The following GPC6 variants were observed in gnomAD, a reference collection of about 807,000 sequenced individuals.
The protein encoded by GPC6 is glypican-6.
Under a neutral mutation model 55.2 loss-of-function variants are expected in GPC6, and 14 were observed. The ratio of observed to expected loss-of-function variants is 0.25; its 90% CI spans 0.17 to 0.40. The LOEUF is 0.40. Among genes scored for constraint, GPC6 ranks in the 10% least tolerant of loss-of-function variants. The pLI is 1.00. For synonymous variants in GPC6, 278 were observed against 259.6 expected (o/e 1.07, Z -0.68); for missense variants, 641 against 708.5 (o/e 0.90, Z 1.08).
At chr13:94,094,914 A>G (rs1178742827) in intron 4 of GPC6, among the ~76,000 whole-genome samples, 2 of 152,108 alleles carry the variant, frequency 1.3e-5, no homozygotes, top group Non-Finnish European at 2.9e-5. Flanking sequence ...TAAACAATAA[A>G]TATGTTTTTA....
In GPC6 at chr13:93,710,155, A is replaced by G. The variant is rs146297036; in HGVS notation, c.320-119999A>G. 8.5e-4 allele frequency among the ~76,000 whole-genome samples: 129 copies of G among 151,948 alleles called. 1 individual carries two copies. In the East Asian group the frequency reaches 0.024, roughly 29 times the overall value. ...TTGAAGGGCTTCTTTTCTTGAATGCATATTTTGAATTACATGAACATAATT... is the reference window on the plus strand; with the variant it reads ...TTGAAGGGCTTCTTTTCTTGAATGCGTATTTTGAATTACATGAACATAATT... On this transcript the variant is annotated intron_variant, in intron 2 of 8. Transcript: ENST00000377047.
chr13:94,374,997 T>A (rs1879771369), intron 6 of GPC6, among the ~76,000 whole-genome samples: 1 of 147,446 alleles, frequency 6.8e-6, no homozygotes, highest in African/African-American at 2.6e-5. Context: ...GAAATAAAGA[T>A]GTTCTTTGAA....
At chr13:94,050,111 C>T (rs1305858135) in intron 4 of GPC6, among the ~76,000 whole-genome samples, 5 of 152,048 alleles carry the variant, frequency 3.3e-5, no homozygotes, top group African/African-American at 4.8e-5. Flanking sequence ...AACCCAGTCT[C>T]GGGTAGGTCT....
rs1881229935 is a variant in GPC6 at position 94,403,268 on chromosome 13, A to G, written c.*51A>G. On this transcript the variant is annotated 3_prime_UTR_variant, in exon 9 of 9. Coordinates refer to ENST00000377047, the MANE Select transcript of GPC6 (RefSeq NM_005708.5). ...TGCATTTTAGCTATCTGAATGGCCA[A>G]CTCACTTCTTTTCTTACACTCTTGG... is the stretch of plus-strand genomic sequence containing the variant. The G allele has an allele frequency of 1.6e-6, 2 of 1,264,620 alleles. No individual in the cohort carries two copies. The highest frequency in any genetic ancestry group is 2.4e-5 in the South Asian group (2 of 82,610). 78.3% of individuals were successfully genotyped at this position (1,264,620 alleles called of 1,614,324 possible). A position where few individuals can be genotyped will look rare whatever the true frequency, so the allele number is the denominator to read the frequency against.
chr13:94,141,655 A>G (rs1017147565), intron 4 of GPC6, among the ~76,000 whole-genome samples: 4 of 152,210 alleles, frequency 2.6e-5, no homozygotes, highest in African/African-American at 9.6e-5. Context: ...TAAGTTTACA[A>G]ATATCTAGTT....
intron 2 of GPC6, among the ~76,000 whole-genome samples, chr13:93,623,221 T>C (rs144750055): frequency 1.9e-4 from 29 of 152,188 alleles, no homozygotes; most frequent in African/African-American, 6.3e-4. Flanking sequence ...AAAAAAAAAA[T>C]AATAAAAAGC....
rs115546473 is a variant in GPC6 at position 93,676,633 on chromosome 13, A to G, written c.319+131212A>G. Reference sequence around the variant, plus strand: ...GATAAACTTCATAAACTGACACTCAATGTTGTCAGATCTCCCAAAATTTAA... The same window carrying G: ...GATAAACTTCATAAACTGACACTCAGTGTTGTCAGATCTCCCAAAATTTAA... On this transcript the variant is annotated intron_variant, in intron 2 of 8. Transcript: ENST00000377047. Among the ~76,000 whole-genome samples the G allele has an allele frequency of 1.8e-3, 270 of 152,204 alleles. 2 individuals carry two copies. The highest frequency in any genetic ancestry group is 6.1e-3 in the African/African-American group (254 of 41,520).
chr13:94,090,493 T>C (rs927380179), intron 4 of GPC6, among the ~76,000 whole-genome samples: 2 of 152,148 alleles, frequency 1.3e-5, no homozygotes, highest in Admixed American at 6.6e-5. Flanking sequence ...TAGCTCATCA[T>C]GAAAAAGGTC....
At chr13:93,963,590 T>C (rs1388327408) in intron 3 of GPC6, among the ~76,000 whole-genome samples, 1 of 152,218 alleles carries the variant, frequency 6.6e-6, no homozygotes, top group Non-Finnish European at 1.5e-5. Context: ...TGCTTTGATT[T>C]TAATCAGTGG....
chr13:93,320,232 G>T (rs1296080677), intron 1 of GPC6, among the ~76,000 whole-genome samples: 1 of 152,036 alleles, frequency 6.6e-6, no homozygotes, highest in African/African-American at 2.4e-5. Flanking sequence ...TTTAAAAAGT[G>T]AAATTTTATA....
chr13:93,609,838 A>G (rs572179657), intron 2 of GPC6, among the ~76,000 whole-genome samples: 1 of 152,136 alleles, frequency 6.6e-6, no homozygotes, highest in East Asian at 1.9e-4. Flanking sequence ...GGAACACCTC[A>G]AGCTGGTTGT....
chr13:93,348,118 G>A (rs1460033625), intron 1 of GPC6, among the ~76,000 whole-genome samples: 1 of 152,070 alleles, frequency 6.6e-6, no homozygotes, highest in Non-Finnish European at 1.5e-5. Flanking sequence ...TCTTGTGAAG[G>A]ATACAAAAAA....
Position 94,197,605 on chromosome 13 carries a change from T to G in GPC6, c.878-88744T>G, listed in dbSNP as rs149398647. On this transcript the variant is annotated intron_variant, in intron 4 of 8. Coordinates refer to ENST00000377047, the MANE Select transcript of GPC6 (RefSeq NM_005708.5). Reference sequence around the variant, plus strand: ...CTATTGAATTAGGAACCCACCCTTATGATCTCATATAACTTTAATTGCCTC... The same window carrying G: ...CTATTGAATTAGGAACCCACCCTTAGGATCTCATATAACTTTAATTGCCTC... Among the ~76,000 whole-genome samples, 466 of 152,312 alleles carry G rather than the reference T, an allele frequency of 3.1e-3. 2 individuals are homozygous for G. Among genetic ancestry groups the G allele is most frequent in the African/African-American group, 0.01 (436 of 41,576 alleles).
chr13:94,282,147 C>G (rs1284438152), intron 4 of GPC6, among the ~76,000 whole-genome samples: 1 of 152,172 alleles, frequency 6.6e-6, no homozygotes, highest in African/African-American at 2.4e-5. Flanking sequence ...AATCATGGTA[C>G]TGTGTGCATT....
At chr13:93,915,441 C>G (rs1033129243) in intron 3 of GPC6, among the ~76,000 whole-genome samples, 1 of 152,182 alleles carries the variant, frequency 6.6e-6, no homozygotes, top group Non-Finnish European at 1.5e-5. Flanking sequence ...TGCCAGCCCC[C>G]CTGTGCCATT....
At chr13:93,462,016 A>T (rs753225093) in intron 1 of GPC6, among the ~76,000 whole-genome samples, 4 of 152,184 alleles carry the variant, frequency 2.6e-5, no homozygotes, top group African/African-American at 7.2e-5. Context: ...AAGCCATGCC[A>T]TCTTATGTAG....
At chr13:93,354,611 G>A (rs973721947) in intron 1 of GPC6, among the ~76,000 whole-genome samples, 2 of 149,782 alleles carry the variant, frequency 1.3e-5, no homozygotes, top group South Asian at 2.1e-4. Flanking sequence ...TGATCCGCCC[G>A]CCTCGGCCTC....
chr13:94,380,931 T>C (rs1880127226), intron 6 of GPC6, among the ~76,000 whole-genome samples: 1 of 152,216 alleles, frequency 6.6e-6, no homozygotes, highest in South Asian at 2.1e-4. Flanking sequence ...AGAGGCCAGC[T>C]GGTTTTCAGA....
chr13:93,907,123 A>T (rs931823234), intron 3 of GPC6, among the ~76,000 whole-genome samples: 3 of 152,078 alleles, frequency 2.0e-5, no homozygotes, highest in African/African-American at 7.2e-5. Flanking sequence ...CTTGTGGGAA[A>T]TTTATGTTTG....
Sources: allele counts gnomAD v4.1 joint callset (sites outside exome capture counted in the v4.1 genomes callset), GRCh38; gene constraint gnomAD v4.1.1; transcripts MANE v1.5; gene names NCBI Gene and HGNC (gene_info 2026-07-23, HGNC 2026-07-21).